The following COL12A1 variants were observed in gnomAD, a reference collection of about 807,000 sequenced individuals.
COL12A1 encodes the protein collagen type XII alpha 1 chain.
Under a neutral mutation model 349.7 loss-of-function variants are expected in COL12A1, and 114 were observed. That is an observed-to-expected ratio of 0.33 (90% CI 0.28 to 0.38). The LOEUF (loss-of-function observed/expected upper bound fraction) is 0.38. Among genes scored for constraint, COL12A1 ranks in the 10% least tolerant of loss-of-function variants. The probability of loss-of-function intolerance (pLI) is 1.00; values close to 1 mark genes in which losing one functional copy is unlikely to be tolerated. For synonymous variants in COL12A1, 1,369 were observed against 1,329.0 expected (o/e 1.03, Z -0.66); for missense variants, 3,284 against 3,756.9 (o/e 0.87, Z 3.29).
intron 14 of COL12A1, among the ~76,000 whole-genome samples, chr6:75,162,324 G>A (rs1038557244): frequency 1.3e-5 from 2 of 152,108 alleles, no homozygotes; most frequent in Non-Finnish European, 2.9e-5. Flanking sequence ...ATAGACCAAT[G>A]GAACAGAACA....
intron 51 of COL12A1, 149 bp downstream of exon 51, chr6:75,113,055 A>C (rs1052958534): frequency 6.7e-6 from 3 of 449,236 alleles, no homozygotes; most frequent in Non-Finnish European, 1.2e-5. Context: ...TTTAAATATT[A>C]TTTGAATTAA....
intron 51 of COL12A1, among the ~76,000 whole-genome samples, chr6:75,110,132 A>C (rs1201345630): frequency 1.3e-5 from 2 of 152,050 alleles, no homozygotes; most frequent in Non-Finnish European, 2.9e-5. Context: ...TAACTTACCA[A>C]AAATAAAGTT....
At chr6:75,101,976 G>A (rs2149343418) in intron 57 of COL12A1, 23 bp downstream of exon 57, 1 of 1,613,382 alleles carries the variant, frequency 6.2e-7, no homozygotes, top group Admixed American at 1.7e-5. Context: ...GCACATGACA[G>A]GGCAACTTAG....
At chr6:75,175,008 T>C in intron 13 of COL12A1, 30 bp downstream of exon 13, 3 of 1,610,098 alleles carry the variant, frequency 1.9e-6, no homozygotes, top group Admixed American at 3.3e-5. Context: ...AACAAGTTCC[T>C]GGATTTTCAG....
intron 23 of COL12A1, among the ~76,000 whole-genome samples, chr6:75,147,459 C>T (rs1435081580): frequency 1.3e-5 from 2 of 152,098 alleles, no homozygotes; most frequent in African/African-American, 4.8e-5. Flanking sequence ...GCAGTGACCC[C>T]CTATTCCACA....
chr6:75,102,963 C>T (rs1768375059), intron 55 of COL12A1, among the ~76,000 whole-genome samples: 1 of 151,972 alleles, frequency 6.6e-6, no homozygotes, highest in African/African-American at 2.4e-5. Context: ...ATAATATATT[C>T]ATATATTAAT....
intron 35 of COL12A1, 137 bp from the exon 36 acceptor site, chr6:75,131,118 G>A (rs1375433614): frequency 8.7e-7 from 1 of 1,145,820 alleles, no homozygotes; most frequent in Middle Eastern, 2.0e-4. Context: ...TTCTCCATAA[G>A]ATCCACCCAG....
chr6:75,093,731 A>AT (rs1351124760), intron 60 of COL12A1, among the ~76,000 whole-genome samples: 1 of 151,914 alleles, frequency 6.6e-6, no homozygotes. Context: ...GATTGTTCTG[A>AT]TTTTTTTTAA....
Position 75,113,699 on chromosome 6 carries a change from T to C in COL12A1, c.7743A>G (p.Leu2581=). The C allele has an allele frequency of 4.4e-6, 7 of 1,606,520 alleles. No individual in the cohort carries two copies. Among genetic ancestry groups the C allele is most frequent in the Middle Eastern group, 1.7e-4 (1 of 6,022 alleles). Residue 2581 remains leucine, a synonymous_variant, in exon 50 of 66, where the codon TTA becomes TTG. Transcript: ENST00000322507. The stretch of plus-strand genomic sequence containing the variant: ...GAGTTTCTGGGAGAAGTCTGAATAA[T>C]AATATAATCGTGTATGAAGGAGGGA... ...NGLPPSYTII[L]LFRLLPETPS... is the part of the protein sequence containing the mutation.
chr6:75,101,768 G>C (rs746903315), intron 57 of COL12A1, 115 bp from the exon 58 acceptor site: 6 of 1,227,208 alleles, frequency 4.9e-6, no homozygotes, highest in Non-Finnish European at 6.9e-6. Context: ...ATAGAAACAG[G>C]AGAACAGAGC....
intron 2 of COL12A1, among the ~76,000 whole-genome samples, chr6:75,196,418 T>C (rs1770228260): frequency 6.6e-6 from 1 of 152,248 alleles, no homozygotes; most frequent in South Asian, 2.1e-4. Flanking sequence ...TATGTTTTAA[T>C]GGAAATAATT....
In COL12A1 at chr6:75,156,378, C is replaced by G. The variant is rs1233005965; in HGVS notation, c.3129G>C (p.Val1043=). 6.2e-7 allele frequency: 1 copy of G among 1,613,936 alleles called. No homozygotes were observed. Among genetic ancestry groups the G allele is most frequent in the South Asian group, 1.1e-5 (1 of 91,072 alleles). ...ACACTGTCGAAGTGACTGTGGGGGG[C>G]ACCTTAGCAACCATTTGCTTCCCTC... is the stretch of plus-strand genomic sequence containing the variant. ...HGRGKQMVAK[V]PPTVTSTVLK... is the part of the protein sequence containing the mutation. Residue 1043 remains valine, a synonymous_variant, in exon 15 of 66, where the codon GTG becomes GTC. Coordinates refer to ENST00000322507, the MANE Select transcript of COL12A1 (RefSeq NM_004370.6).
At chr6:75,126,608 T>C in intron 38 of COL12A1, 138 bp from the exon 39 acceptor site, 1 of 1,019,808 alleles carries the variant, frequency 9.8e-7, no homozygotes, top group Non-Finnish European at 1.4e-6. Context: ...AGAAAACAAT[T>C]AAAAGGCATT....
intron 51 of COL12A1, among the ~76,000 whole-genome samples, chr6:75,110,760 C>T (rs1003217771): frequency 3.9e-5 from 6 of 152,018 alleles, no homozygotes; most frequent in Non-Finnish European, 8.8e-5. Flanking sequence ...CCCAAAGTTC[C>T]CTCTCCCTGT....
At chr6:75,144,174 A>G (rs1767058724) in intron 25 of COL12A1, among the ~76,000 whole-genome samples, 1 of 152,004 alleles carries the variant, frequency 6.6e-6, no homozygotes, top group Non-Finnish European at 1.5e-5. Flanking sequence ...GTCCAGCACC[A>G]TACCCAAGTT....
At chr6:75,183,696 T>A (rs1366976455) in intron 9 of COL12A1, 44 bp from the exon 10 acceptor site, 1 of 1,551,802 alleles carries the variant, frequency 6.4e-7, no homozygotes, top group East Asian at 2.2e-5. Flanking sequence ...TACATATTAA[T>A]CATTAAAATA....
At chr6:75,142,239 G>T in intron 26 of COL12A1, 78 bp from the exon 27 acceptor site, 3 of 1,511,768 alleles carry the variant, frequency 2.0e-6, no homozygotes, top group Non-Finnish European at 1.8e-6. Flanking sequence ...TACTGTACCT[G>T]TCAGCGTAAG....
chr6:75,178,476 A>C (rs1769094938), intron 11 of COL12A1, among the ~76,000 whole-genome samples: 1 of 152,246 alleles, frequency 6.6e-6, no homozygotes, highest in African/African-American at 2.4e-5. Context: ...GAACAAGCAC[A>C]GAATAGGTAC....
chr6:75,135,643 T>C (rs150167187), intron 31 of COL12A1, among the ~76,000 whole-genome samples: 6 of 152,320 alleles, frequency 3.9e-5, no homozygotes, highest in East Asian at 3.9e-4. Context: ...CACATGTAGA[T>C]GGCTGGATGT....
Sources: gnomAD v4.1 joint callset for allele counts (sites outside exome capture counted in the v4.1 genomes callset) on GRCh38, gnomAD v4.1.1 for gene constraint, MANE v1.5 for transcripts, NCBI Gene and HGNC (gene_info 2026-07-23, HGNC 2026-07-21) for gene names.